Variants in SLC8A1 observed in about 807,000 individuals in gnomAD.
SLC8A1 encodes the protein sodium/calcium exchanger 1.
In SLC8A1, 18 loss-of-function variants were observed where a neutral mutation model predicts 68.3. The observed-to-expected ratio is 0.26, with a 90% CI of 0.18 to 0.39. The LOEUF (loss-of-function observed/expected upper bound fraction) is 0.39, where lower values mean the gene tolerates loss of function less well. Ranked by LOEUF, SLC8A1 falls within the 10% of genes least tolerant of loss-of-function variation. The probability of loss-of-function intolerance (pLI) is 1.00; values close to 1 mark genes in which losing one functional copy is unlikely to be tolerated. For missense variants in SLC8A1, 985 were observed against 1,156.7 expected (o/e 0.85, Z 2.15); for synonymous variants, 475 against 415.5 (o/e 1.14, Z -1.74).
chr2:40,378,288 G>A (rs1359960888), intron 2 of SLC8A1, among the ~76,000 whole-genome samples: 6 of 152,142 alleles, frequency 3.9e-5, no homozygotes, highest in Admixed American at 2.0e-4. Flanking sequence ...AGTGCCATCT[G>A]AGTAACAGCC....
intron 1 of SLC8A1, among the ~76,000 whole-genome samples, chr2:40,473,509 T>C (rs1704112344): frequency 6.6e-6 from 1 of 152,352 alleles, no homozygotes; most frequent in South Asian, 2.1e-4. Flanking sequence ...ATCTGCTTTT[T>C]CCCCAAATAA....
rs60049946 is a variant in SLC8A1 at position 40,267,642 on chromosome 2, G to GA, written c.1809-89788dup. 9.2e-5 allele frequency among the ~76,000 whole-genome samples: 14 copies of GA among 152,262 alleles called. No homozygotes were observed. The South Asian group carries it at 2.5e-3, about 27-fold the overall frequency. The stretch of plus-strand genomic sequence containing the variant: ...ATTTGTGGAATGAATGAATGAATGG[G>GA]AAAAAATTATAGATTCTGTCATTTA... On this transcript the variant is annotated intron_variant, in intron 2 of 7. Transcript: ENST00000406785.
At chr2:40,128,348 A>G (rs892093299) in intron 7 of SLC8A1, among the ~76,000 whole-genome samples, 4 of 152,148 alleles carry the variant, frequency 2.6e-5, no homozygotes, top group Admixed American at 2.6e-4. Context: ...TTTAGCAACA[A>G]TGTGTCATTC....
exon 8 of SLC8A1, chr2:40,103,485 C>T (rs906780631): frequency 6.6e-6 from 1 of 152,188 alleles, no homozygotes; most frequent in Non-Finnish European, 1.5e-5. Flanking sequence ...AGAATAATTA[C>T]ACCTTTAAAT....
intron 1 of SLC8A1, among the ~76,000 whole-genome samples, chr2:40,450,327 T>C (rs1295866580): frequency 6.6e-6 from 1 of 150,584 alleles, no homozygotes; most frequent in Non-Finnish European, 1.5e-5. Context: ...GGAGTAGCTT[T>C]GAGAGAGAAA....
chr2:40,313,439 C>G (rs1308434756), intron 2 of SLC8A1, among the ~76,000 whole-genome samples: 2 of 151,848 alleles, frequency 1.3e-5, no homozygotes, highest in Non-Finnish European at 2.9e-5. Context: ...TGTAGAATGG[C>G]TGGATTATAT....
chr2:40,458,493 G>GT (rs1409566535), intron 1 of SLC8A1, among the ~76,000 whole-genome samples: 2 of 145,720 alleles, frequency 1.4e-5, no homozygotes, highest in African/African-American at 5.1e-5. Flanking sequence ...CGGTGATAGG[G>GT]TAAACTCTTT....
At chr2:40,200,219 T>TATTTATATATATATATAAATATATATATA (rs1558722197) in intron 2 of SLC8A1, among the ~76,000 whole-genome samples, 3 of 2,924 alleles carry the variant, frequency 1.0e-3, no homozygotes, top group African/African-American at 2.5e-3. Flanking sequence ...TATATATATA[T>TATTTATATATATATATAAATATATATATA]TTTTTTATAT....
chr2:40,264,618 C>G (rs951467661), intron 2 of SLC8A1, among the ~76,000 whole-genome samples: 1 of 152,114 alleles, frequency 6.6e-6, no homozygotes, highest in Non-Finnish European at 1.5e-5. Flanking sequence ...CCAAACACCG[C>G]GTGTTCTCAC....
At chr2:40,222,030 A>T (rs971432249) in intron 2 of SLC8A1, among the ~76,000 whole-genome samples, 6 of 152,188 alleles carry the variant, frequency 3.9e-5, no homozygotes, top group African/African-American at 1.4e-4. Context: ...TGTAAATTTC[A>T]TATGGAACTA....
intron 2 of SLC8A1, among the ~76,000 whole-genome samples, chr2:40,353,178 T>C (rs1224137263): frequency 6.6e-6 from 1 of 152,202 alleles, no homozygotes; most frequent in Non-Finnish European, 1.5e-5. Context: ...TTTTTGAGAA[T>C]GAGAACTTTT....
intron 7 of SLC8A1, chr2:40,118,217 G>A (rs183988695): frequency 1.3e-5 from 2 of 152,330 alleles, no homozygotes; most frequent in African/African-American, 4.8e-5. Context: ...CTTAGCAAAT[G>A]TGAATTTTTA....
rs564442817 is a variant in SLC8A1 at position 40,115,595 on chromosome 2, G to A, written c.2472C>T (p.Asp824=). 8 of 1,611,504 alleles carry A rather than the reference G, an allele frequency of 5.0e-6. No homozygotes were observed. In the Admixed American group the frequency reaches 1.0e-4, roughly 20 times the overall value. The change falls in exon 8 of 8, where the codon GAC becomes GAT. Residue 824 remains aspartate, a synonymous_variant. Coordinates refer to ENST00000406785, the Ensembl canonical transcript of SLC8A1. ...TACCTATGGAGGCGTCTGCATACTGGTCCTGGGTGGCTGCCACTTTGCTGG... is the reference window on the plus strand; with the variant it reads ...TACCTATGGAGGCGTCTGCATACTGATCCTGGGTGGCTGCCACTTTGCTGG...
At chr2:40,444,236 G>C (rs937202489) in intron 1 of SLC8A1, among the ~76,000 whole-genome samples, 1 of 152,102 alleles carries the variant, frequency 6.6e-6, no homozygotes, top group Non-Finnish European at 1.5e-5. Flanking sequence ...CTACTCAGGA[G>C]GCTGAGCCAG....
chr2:40,353,034 G>C (rs935970276), intron 2 of SLC8A1, among the ~76,000 whole-genome samples: 4 of 152,120 alleles, frequency 2.6e-5, no homozygotes, highest in Non-Finnish European at 5.9e-5. Flanking sequence ...ATTTCCTGAA[G>C]GGGTGGAGCT....
chr2:40,343,641 G>A (rs1477712612), intron 2 of SLC8A1, among the ~76,000 whole-genome samples: 1 of 151,892 alleles, frequency 6.6e-6, no homozygotes, highest in Non-Finnish European at 1.5e-5. Flanking sequence ...ATGCAAATGT[G>A]GCTACAATTT....
At chr2:40,151,828 T>C (rs2043495629) in intron 6 of SLC8A1, among the ~76,000 whole-genome samples, 1 of 152,198 alleles carries the variant, frequency 6.6e-6, no homozygotes, top group Non-Finnish European at 1.5e-5. Flanking sequence ...TGAGTGGCAT[T>C]GTGAGGTTTT....
At chr2:40,306,259 G>A (rs1443189885) in intron 2 of SLC8A1, among the ~76,000 whole-genome samples, 1 of 152,174 alleles carries the variant, frequency 6.6e-6, no homozygotes, top group East Asian at 1.9e-4. Context: ...AGCCCCAAAT[G>A]GCAGAGCTGA....
At chr2:40,162,991 T>C (rs1159866975) in intron 5 of SLC8A1, among the ~76,000 whole-genome samples, 1 of 152,086 alleles carries the variant, frequency 6.6e-6, no homozygotes, top group African/African-American at 2.4e-5. Context: ...TAATATAAAA[T>C]CTAGGCTGAT....
Sources: allele counts gnomAD v4.1 joint callset (sites outside exome capture counted in the v4.1 genomes callset), GRCh38; gene constraint gnomAD v4.1.1; transcripts MANE v1.5; gene names NCBI Gene and HGNC (gene_info 2026-07-23, HGNC 2026-07-21).